TTC27: variants seen among roughly 807,000 people sequenced by gnomAD.
TTC27 encodes the protein tetratricopeptide repeat protein 27.
Under a neutral mutation model 115.9 loss-of-function variants are expected in TTC27, and 79 were observed. That is an observed-to-expected ratio of 0.68 (90% CI 0.57 to 0.82). The LOEUF (loss-of-function observed/expected upper bound fraction) is 0.82, where lower values mean the gene tolerates loss of function less well. Among genes scored for constraint, TTC27 ranks in the 40% least tolerant of loss-of-function variants. The pLI is 0.00. For synonymous variants in TTC27, 401 were observed against 356.0 expected (o/e 1.13, Z -1.42); for missense variants, 1,054 against 993.1 (o/e 1.06, Z -0.82).
At chr2:32,654,666 G>A (rs1403024318) in intron 5 of TTC27, among the ~76,000 whole-genome samples, 1 of 151,858 alleles carries the variant, frequency 6.6e-6, no homozygotes, top group East Asian at 1.9e-4. Context: ...GAATGGGTGG[G>A]AGTATAGGCG....
chr2:32,797,192 G>C (rs1026626558), intron 16 of TTC27, among the ~76,000 whole-genome samples: 3 of 133,578 alleles, frequency 2.2e-5, no homozygotes, highest in South Asian at 2.4e-4. Context: ...AAAAAAAAAA[G>C]AGACAGTGTC....
chr2:32,684,088 G>A (rs1419176535), intron 9 of TTC27, among the ~76,000 whole-genome samples: 1 of 152,134 alleles, frequency 6.6e-6, no homozygotes, highest in Non-Finnish European at 1.5e-5. Context: ...AACCCGGGAG[G>A]CGGAAGTTGC....
intron 10 of TTC27, among the ~76,000 whole-genome samples, chr2:32,720,994 A>G (rs62133872): frequency 0.012 from 1,848 of 152,314 alleles, 24 homozygotes; most frequent in Non-Finnish European, 0.016. Context: ...TCCAGCTGCC[A>G]TTATGGAGTC....
intron 9 of TTC27, among the ~76,000 whole-genome samples, chr2:32,700,106 T>C (rs961860307): frequency 6.6e-6 from 1 of 152,004 alleles, no homozygotes; most frequent in Non-Finnish European, 1.5e-5. Flanking sequence ...CGGAGAGGGA[T>C]TTTCTGTTAA....
At chr2:32,748,156 T>G (rs1444382732) in intron 12 of TTC27, among the ~76,000 whole-genome samples, 1 of 152,222 alleles carries the variant, frequency 6.6e-6, no homozygotes, top group East Asian at 1.9e-4. Flanking sequence ...ATTTTGGTTT[T>G]GGTTTTGTTA....
chr2:32,646,177 C>T (rs369808624), intron 4 of TTC27, among the ~76,000 whole-genome samples: 1 of 151,956 alleles, frequency 6.6e-6, no homozygotes. Flanking sequence ...TACAGGCGCC[C>T]ACCACCATGT....
At position 32,758,449 on chromosome 2, in the gene TTC27, A is replaced by G. The variant is rs1558328593; in HGVS notation, c.1610A>G (p.His537Arg). The G allele has an allele frequency of 1.9e-6, 3 of 1,614,140 alleles. No homozygotes were observed. The highest frequency in any genetic ancestry group is 2.5e-6 in the Non-Finnish European group (3 of 1,180,014). Residue 537 changes from histidine to arginine, a missense_variant, in exon 13 of 20, where the codon CAT becomes CGT. Transcript: ENST00000317907. ...ARAQRSKALLHLRNKEFQECV... is the reference protein window; with the variant it reads ...ARAQRSKALLRLRNKEFQECV... ...GCTCAGCGCTCCAAAGCCCTCCTTC[A>G]TCTTCGGAACAAGGAGTTTCAAGAG...
At chr2:32,657,107 T>C (rs1018620661) in intron 5 of TTC27, among the ~76,000 whole-genome samples, 4 of 150,838 alleles carry the variant, frequency 2.7e-5, no homozygotes, top group Non-Finnish European at 5.9e-5. Flanking sequence ...TGCTTCAACC[T>C]CCTGAGAAGC....
At chr2:32,756,567 A>G (rs1669239125) in intron 12 of TTC27, among the ~76,000 whole-genome samples, 1 of 152,252 alleles carries the variant, frequency 6.6e-6, no homozygotes, top group African/African-American at 2.4e-5. Flanking sequence ...CCAACATCCA[A>G]AGACACTTTT....
chr2:32,701,874 G>A (rs1667194279), intron 9 of TTC27, among the ~76,000 whole-genome samples: 1 of 152,020 alleles, frequency 6.6e-6, no homozygotes, highest in Admixed American at 6.6e-5. Context: ...AGCCGGGCAT[G>A]GTGGTACAGG....
At chr2:32,628,423 G>A (rs1414532939) in intron 1 of TTC27, 43 bp downstream of exon 1, 1 of 1,491,374 alleles carries the variant, frequency 6.7e-7, no homozygotes, top group Non-Finnish European at 9.0e-7. Flanking sequence ...CGTGGGAACT[G>A]TGAGGAAAAG....
intron 16 of TTC27, among the ~76,000 whole-genome samples, chr2:32,798,438 T>C (rs972633146): frequency 1.3e-5 from 2 of 149,052 alleles, no homozygotes; most frequent in Non-Finnish European, 3.0e-5. Flanking sequence ...GCGCGGTGGC[T>C]CACGCCTGTA....
intron 8 of TTC27, among the ~76,000 whole-genome samples, chr2:32,673,446 C>T (rs528587036): frequency 6.0e-4 from 92 of 152,080 alleles, no homozygotes; most frequent in African/African-American, 1.9e-3. Context: ...AGGCTGGTCT[C>T]GAACTCCTGA....
intron 5 of TTC27, among the ~76,000 whole-genome samples, chr2:32,661,979 G>A (rs545333542): frequency 1.3e-5 from 2 of 152,190 alleles, no homozygotes; most frequent in Admixed American, 6.6e-5. Context: ...TAGCATGAAG[G>A]GCTGTTTAAG....
chr2:32,706,077 CTTTTTTTTTTTTTTT>C (rs148953090), intron 10 of TTC27, among the ~76,000 whole-genome samples: 1 of 53,222 alleles, frequency 1.9e-5, no homozygotes, highest in Admixed American at 2.9e-4. Context: ...TTACCTTACT[CTTTTTTTTTTTTTTT>C]TTTTTTTTTT....
intron 4 of TTC27, among the ~76,000 whole-genome samples, chr2:32,642,829 G>A (rs141112569): frequency 0.036 from 5,511 of 151,880 alleles, 124 homozygotes; most frequent in South Asian, 0.072. Flanking sequence ...CACCACACCC[G>A]GCTAATTTTT....
chr2:32,766,374 T>G, intron 13 of TTC27: 1 of 217,896 alleles, frequency 4.6e-6, no homozygotes, highest in South Asian at 5.7e-5. Flanking sequence ...GCTTTTGATT[T>G]AAAGTAGGGT....
At chr2:32,792,262 T>C (rs896230694) in intron 16 of TTC27, among the ~76,000 whole-genome samples, 1 of 152,192 alleles carries the variant, frequency 6.6e-6, no homozygotes, top group African/African-American at 2.4e-5. Flanking sequence ...TTGCTGGCTG[T>C]GCATTACCCG....
chr2:32,817,298 T>C (rs1671532978), intron 18 of TTC27, among the ~76,000 whole-genome samples, 159 bp from the exon 19 acceptor site: 1 of 152,026 alleles, frequency 6.6e-6, no homozygotes, highest in African/African-American at 2.4e-5. Flanking sequence ...AAAAGCTATG[T>C]ACATAATTAT....
Sources: allele counts gnomAD v4.1 joint callset (sites outside exome capture counted in the v4.1 genomes callset), GRCh38; gene constraint gnomAD v4.1.1; transcripts MANE v1.5; gene names NCBI Gene and HGNC (gene_info 2026-07-23, HGNC 2026-07-21).